PPP6R3: variants seen among roughly 807,000 people sequenced by gnomAD.
PPP6R3 encodes the protein protein phosphatase 6 regulatory subunit 3, also known as serine/threonine-protein phosphatase 6 regulatory subunit 3.
PPP6R3 carries 38 observed loss-of-function variants against 110.7 expected under a neutral mutation model. The ratio of observed to expected loss-of-function variants is 0.34; its 90% CI spans 0.26 to 0.45. The LOEUF (loss-of-function observed/expected upper bound fraction) is 0.45. PPP6R3 is among the 20% of genes least tolerant of loss of function. The probability of loss-of-function intolerance (pLI) is 1.00; values close to 1 mark genes in which losing one functional copy is unlikely to be tolerated. For missense variants in PPP6R3, 870 were observed against 1,062.4 expected (o/e 0.82, Z 2.52); for synonymous variants, 369 against 373.5 (o/e 0.99, Z 0.14).
intron 1 of PPP6R3, among the ~76,000 whole-genome samples, chr11:68,472,838 A>G (rs1027644540): frequency 2.0e-5 from 3 of 152,162 alleles, no homozygotes; most frequent in African/African-American, 2.4e-5. Flanking sequence ...GAATCATACA[A>G]TAGGTGGTCT....
intron 3 of PPP6R3, among the ~76,000 whole-genome samples, chr11:68,544,549 G>A (rs2153673440): frequency 6.6e-6 from 1 of 152,338 alleles, no homozygotes; most frequent in Non-Finnish European, 1.5e-5. Flanking sequence ...GAGAAGGCCC[G>A]GGCCCTGCAG....
At chr11:68,461,866 G>C (rs1465170660) in intron 1 of PPP6R3, among the ~76,000 whole-genome samples, 2 of 152,104 alleles carry the variant, frequency 1.3e-5, no homozygotes, top group Admixed American at 1.3e-4. Context: ...TTGCAGATAG[G>C]CTTCAAGGGG....
At chr11:68,544,470 T>C (rs1396552430) in intron 3 of PPP6R3, among the ~76,000 whole-genome samples, 7 of 152,232 alleles carry the variant, frequency 4.6e-5, no homozygotes, top group Admixed American at 4.6e-4. Context: ...CAAGCTTTGC[T>C]GCTTCCCATG....
At chr11:68,579,780 T>TA (rs2099545943) in intron 14 of PPP6R3, among the ~76,000 whole-genome samples, 1 of 152,230 alleles carries the variant, frequency 6.6e-6, no homozygotes, top group African/African-American at 2.4e-5. Context: ...TATTTGTAGA[T>TA]ACACAAATAC....
intron 6 of PPP6R3, among the ~76,000 whole-genome samples, chr11:68,551,406 T>C (rs903761162): frequency 4.6e-5 from 7 of 152,224 alleles, no homozygotes; most frequent in African/African-American, 1.4e-4. Flanking sequence ...GCCCTTGTTA[T>C]AGCACCATCT....
intron 9 of PPP6R3, among the ~76,000 whole-genome samples, chr11:68,566,509 C>T (rs1389074844): frequency 2.6e-5 from 4 of 152,070 alleles, no homozygotes; most frequent in Non-Finnish European, 4.4e-5. Flanking sequence ...TACAGGTGTG[C>T]ATCACCATGC....
At chr11:68,608,952 A>G (rs1180721682) in intron 22 of PPP6R3, among the ~76,000 whole-genome samples, 1 of 152,166 alleles carries the variant, frequency 6.6e-6, no homozygotes, top group Admixed American at 6.5e-5. Context: ...ATTTTAACTC[A>G]TTTTCCTACT....
intron 2 of PPP6R3, among the ~76,000 whole-genome samples, chr11:68,533,988 G>A (rs541690225): frequency 2.0e-5 from 3 of 152,226 alleles, no homozygotes; most frequent in East Asian, 1.9e-4. Context: ...ACCACGGCAC[G>A]TTCCATGTTT....
chr11:68,602,649 G>A (rs1332528601), intron 21 of PPP6R3, among the ~76,000 whole-genome samples: 1 of 152,160 alleles, frequency 6.6e-6, no homozygotes, highest in East Asian at 1.9e-4. Flanking sequence ...CCAGGGGCAA[G>A]GGAAAGGAAT....
At chr11:68,571,174 C>A in intron 12 of PPP6R3, 70 bp downstream of exon 12, 1 of 1,510,184 alleles carries the variant, frequency 6.6e-7, no homozygotes, top group Non-Finnish European at 8.8e-7. Context: ...ACCTCCTTGC[C>A]CTAGTCAGAA....
At chr11:68,529,953 A>C (rs1330309563) in intron 2 of PPP6R3, among the ~76,000 whole-genome samples, 6 of 152,210 alleles carry the variant, frequency 3.9e-5, no homozygotes, top group Non-Finnish European at 7.3e-5. Flanking sequence ...TACAGCAACC[A>C]CTGGCCATGT....
chr11:68,607,912 T>C (rs563311447), intron 22 of PPP6R3, among the ~76,000 whole-genome samples: 3 of 152,254 alleles, frequency 2.0e-5, no homozygotes, highest in South Asian at 4.1e-4. Context: ...TAGCTGGAAC[T>C]ACAGTTGTGT....
Position 68,613,539 on chromosome 11 carries a change from C to G in PPP6R3, c.*422C>G. 1 of 986,690 alleles carries G rather than the reference C, an allele frequency of 1.0e-6. No individual in the cohort carries two copies. Among genetic ancestry groups the G allele is most frequent in the Non-Finnish European group, 1.2e-6 (1 of 830,588 alleles). 61.1% of individuals were successfully genotyped at this position (986,690 alleles called of 1,614,324 possible). A position where few individuals can be genotyped will look rare whatever the true frequency, so the allele number is the denominator to read the frequency against. On this transcript the variant is annotated 3_prime_UTR_variant, in exon 24 of 24. Coordinates refer to ENST00000393800, the MANE Select transcript of PPP6R3 (RefSeq NM_001164161.2). ...TAGGCGGTTTTCATACATTTTTCAC[C>G]TTGTACAAAATTATGAATTCATTTT...
At chr11:68,468,543 A>G (rs1176928367) in intron 1 of PPP6R3, among the ~76,000 whole-genome samples, 1 of 152,242 alleles carries the variant, frequency 6.6e-6, no homozygotes, top group Non-Finnish European at 1.5e-5. Flanking sequence ...TTGTAACAAA[A>G]GTACAGAAAC....
At chr11:68,591,063 C>T (rs1461240721) in intron 17 of PPP6R3, among the ~76,000 whole-genome samples, 2 of 152,104 alleles carry the variant, frequency 1.3e-5, no homozygotes, top group Non-Finnish European at 2.9e-5. Flanking sequence ...CCCCTCGTTA[C>T]TAGGCATTTC....
At position 68,600,333 on chromosome 11, in the gene PPP6R3, C is replaced by T. The variant is rs1297240356; in HGVS notation, c.2039-8C>T. ...GTTTTCCAAATAGAATTTCTCCCCT[C>T]TTTTTAGCACCCAACTGGTCAGCTA... On this transcript the variant is annotated splice_region_variant and splice_polypyrimidine_tract_variant and intron_variant, in intron 19 of 23. Coordinates refer to ENST00000393800, the MANE Select transcript of PPP6R3 (RefSeq NM_001164161.2). The T allele has an allele frequency of 2.5e-6, 4 of 1,612,848 alleles. No homozygotes were observed. In the East Asian group the frequency reaches 8.9e-5, roughly 36 times the overall value.
intron 1 of PPP6R3, among the ~76,000 whole-genome samples, chr11:68,486,529 C>A (rs764895406): frequency 6.0e-5 from 9 of 148,814 alleles, no homozygotes; most frequent in Non-Finnish European, 1.3e-4. Flanking sequence ...GGCGTGAACC[C>A]GGGAGGCGGA....
At chr11:68,465,338 C>A (rs1055744230) in intron 1 of PPP6R3, among the ~76,000 whole-genome samples, 1 of 152,178 alleles carries the variant, frequency 6.6e-6, no homozygotes, top group African/African-American at 2.4e-5. Context: ...TCTTCTGTGC[C>A]CTAGACTCTG....
intron 2 of PPP6R3, among the ~76,000 whole-genome samples, chr11:68,521,971 A>G (rs1196698858): frequency 2.0e-5 from 3 of 152,088 alleles, no homozygotes; most frequent in East Asian, 3.9e-4. Context: ...AAGGTTTTAC[A>G]TTTTTCATCT....
Sources: gnomAD v4.1 joint callset for allele counts (sites outside exome capture counted in the v4.1 genomes callset) on GRCh38, gnomAD v4.1.1 for gene constraint, MANE v1.5 for transcripts, NCBI Gene and HGNC (gene_info 2026-07-23, HGNC 2026-07-21) for gene names.